THSD7A: variants seen among roughly 807,000 people sequenced by gnomAD.
THSD7A encodes the protein thrombospondin type-1 domain-containing protein 7A.
In THSD7A, 96 loss-of-function variants were observed where a neutral mutation model predicts 231.3. The ratio of observed to expected loss-of-function variants is 0.41; its 90% CI spans 0.35 to 0.49. The LOEUF is 0.49. Ranked by LOEUF, THSD7A falls within the 20% of genes least tolerant of loss-of-function variation. The probability of loss-of-function intolerance (pLI) is 0.05; values close to 1 mark genes in which losing one functional copy is unlikely to be tolerated. For missense variants in THSD7A, 2,290 were observed against 2,070.2 expected (o/e 1.11, Z -2.06); for synonymous variants, 940 against 743.3 (o/e 1.26, Z -4.30).
At position 11,417,533 on chromosome 7, in the gene THSD7A, G is replaced by T. The variant is rs369978992; in HGVS notation, c.3454C>A (p.Pro1152Thr). ...EDYLCDPEEM[P>T]LGSRVCKLPC... The stretch of plus-strand genomic sequence containing the variant: ...AATTTGCACACTCTAGAGCCCAGGG[G>T]CATCTCTTCTGGGTCACAGAGGTAA... Residue 1152 changes from proline to threonine, a missense_variant, in exon 17 of 28, where the codon CCC (proline) becomes ACC (threonine). Transcript: ENST00000423059. 5.0e-6 allele frequency: 8 copies of T among 1,613,634 alleles called. No individual in the cohort carries two copies. In the African/African-American group the frequency reaches 6.7e-5, roughly 13 times the overall value.
At chr7:11,666,653 T>C (rs1359843216) in intron 1 of THSD7A, among the ~76,000 whole-genome samples, 1 of 146,056 alleles carries the variant, frequency 6.8e-6, no homozygotes, top group Admixed American at 7.1e-5. Context: ...ATATACAGTA[T>C]ACTGCTTCAG....
At chr7:11,735,171 C>T (rs1039263633) in intron 1 of THSD7A, among the ~76,000 whole-genome samples, 30 of 151,856 alleles carry the variant, frequency 2.0e-4, no homozygotes, top group African/African-American at 7.0e-4. Flanking sequence ...TTTTTCTTCT[C>T]TTCTATAGTC....
rs1235346221 is a variant in THSD7A, at chr7:11,593,289, A to G, written c.1236T>C (p.Cys412=). 5 of 1,613,840 alleles carry G rather than the reference A, an allele frequency of 3.1e-6. No individual in the cohort carries two copies. In the African/African-American group the frequency reaches 6.7e-5, roughly 22 times the overall value. ...GGACAACTCCATCTCCTTGAGACAA[A>G]CAGGGTTCTTTTTCTTCAAATTCTG... The part of the protein sequence containing the change: ...ECPEFEEKEP[C]LSQGDGVVPC... The change falls in exon 3 of 28, where the codon TGT becomes TGC. Residue 412 remains cysteine (C), a synonymous_variant. Transcript: ENST00000423059.
chr7:11,384,682 C>T (rs1449209874), intron 23 of THSD7A: 1 of 151,948 alleles, frequency 6.6e-6, no homozygotes, highest in Non-Finnish European at 1.5e-5. Flanking sequence ...CTTTTCTATT[C>T]TTTTAGTCTA....
intron 4 of THSD7A, among the ~76,000 whole-genome samples, chr7:11,559,261 C>A (rs953776451): frequency 2.0e-5 from 3 of 152,084 alleles, no homozygotes; most frequent in Admixed American, 2.0e-4. Flanking sequence ...GAGATGCATG[C>A]CAGACCTCTG....
chr7:11,488,468 A>G (rs137899035), intron 6 of THSD7A, among the ~76,000 whole-genome samples: 1 of 152,170 alleles, frequency 6.6e-6, no homozygotes, highest in Non-Finnish European at 1.5e-5. Flanking sequence ...ATGAACTGAG[A>G]CTTATGCCTC....
intron 9 of THSD7A, among the ~76,000 whole-genome samples, chr7:11,468,353 A>C (rs1375804227): frequency 6.6e-6 from 1 of 151,926 alleles, no homozygotes; most frequent in African/African-American, 2.4e-5. Flanking sequence ...AGAAAGTACA[A>C]TTCTACTGCC....
chr7:11,406,036 A>C lies in THSD7A; in HGVS notation c.4237+264T>G, dbSNP rs1267636761. ...TAACTTTTCTGTGGAGCATGGGCTTAAGGCCTTAAATACCATCTCCTGCAG... is the reference window on the plus strand; with the variant it reads ...TAACTTTTCTGTGGAGCATGGGCTTCAGGCCTTAAATACCATCTCCTGCAG... On this transcript the variant is annotated intron_variant, in intron 22 of 27. Coordinates refer to ENST00000423059, the MANE Select transcript of THSD7A (RefSeq NM_015204.3). This position sits in a 1 kb window ranked among gnomAD's most constrained non-coding sequence, Gnocchi z 4.7. Among the ~76,000 whole-genome samples, 1 of 152,124 alleles carries C rather than the reference A, an allele frequency of 6.6e-6. No homozygotes were observed. Among genetic ancestry groups the C allele is most frequent in the African/African-American group, 2.4e-5 (1 of 41,422 alleles).
intron 1 of THSD7A, among the ~76,000 whole-genome samples, chr7:11,647,754 T>C (rs1782336749): frequency 6.6e-6 from 1 of 152,092 alleles, no homozygotes; most frequent in Admixed American, 6.6e-5. Context: ...GAATTGCTGT[T>C]CTATTTGTGT....
Position 11,636,950 on chromosome 7 carries a change from G to C in THSD7A, c.202C>G (p.Arg68Gly), listed in dbSNP as rs759919849. The change falls in exon 2 of 28, where the codon CGA (arginine) becomes GGA (glycine). Residue 68 changes from arginine to glycine, a missense_variant. By Grantham distance (125) the Arg-to-Gly change is moderately radical. Transcript: ENST00000423059. The surrounding 1 kb of genome is among the most constrained non-coding windows in gnomAD (Gnocchi z 10.0). Reference protein sequence around the residue: ...LYLWKTGPWGRCMGDECGPGG... With the variant: ...LYLWKTGPWGGCMGDECGPGG... ...GGACCACATTCATCTCCCATACATC[G>C]GCCCCATGGACCTACAAAAATTATA... is the stretch of plus-strand genomic sequence containing the variant. The C allele has an allele frequency of 5.0e-6, 8 of 1,605,790 alleles. No individual in the cohort carries two copies. Among genetic ancestry groups the C allele is most frequent in the Non-Finnish European group, 8.5e-7 (1 of 1,176,794 alleles).
intron 4 of THSD7A, among the ~76,000 whole-genome samples, chr7:11,561,436 CTAAT>C (rs903629164): frequency 6.6e-6 from 1 of 152,122 alleles, no homozygotes; most frequent in African/African-American, 2.4e-5. Flanking sequence ...AACTACCTGT[CTAAT>C]TAAATTATTA....
At chr7:11,765,250 A>G (rs1782995651) in intron 1 of THSD7A, among the ~76,000 whole-genome samples, 1 of 152,226 alleles carries the variant, frequency 6.6e-6, no homozygotes, top group Non-Finnish European at 1.5e-5. Context: ...TGTTGCTCAT[A>G]CATACATGAA....
At chr7:11,553,984 G>A (rs910537766) in intron 4 of THSD7A, among the ~76,000 whole-genome samples, 1 of 151,740 alleles carries the variant, frequency 6.6e-6, no homozygotes, top group African/African-American at 2.4e-5. Flanking sequence ...TAAATTAAAT[G>A]TTTTGAGGTA....
At chr7:11,660,710 G>A (rs1393379861) in intron 1 of THSD7A, among the ~76,000 whole-genome samples, 1 of 151,290 alleles carries the variant, frequency 6.6e-6, no homozygotes, top group Non-Finnish European at 1.5e-5. Flanking sequence ...AATTACATAT[G>A]GATTAAGTAG....
chr7:11,536,625 G>A (rs1326122148), intron 6 of THSD7A, among the ~76,000 whole-genome samples: 1 of 152,112 alleles, frequency 6.6e-6, no homozygotes, highest in African/African-American at 2.4e-5. Context: ...CCTGGGAATG[G>A]TTTTAGGAGC....
chr7:11,644,747 T>C (rs1335302404), intron 1 of THSD7A, among the ~76,000 whole-genome samples: 2 of 152,028 alleles, frequency 1.3e-5, no homozygotes, highest in African/African-American at 2.4e-5. Context: ...TAGGATCTAT[T>C]ATACTAAATA....
chr7:11,726,459 T>C (rs1048267487), intron 1 of THSD7A, among the ~76,000 whole-genome samples: 2 of 152,048 alleles, frequency 1.3e-5, no homozygotes, highest in Admixed American at 6.6e-5. Context: ...AATTGCACAA[T>C]GAAATCCGGG....
intron 4 of THSD7A, among the ~76,000 whole-genome samples, chr7:11,568,378 A>G (rs1449134698): frequency 6.6e-6 from 1 of 152,016 alleles, no homozygotes; most frequent in African/African-American, 2.4e-5. Context: ...AACTGGAACA[A>G]GACTCTGGAG....
Position 11,372,246 on chromosome 7 carries a change from C to G in THSD7A, c.*3548G>C, listed in dbSNP as rs112036910. 5 of 151,720 alleles carry G rather than the reference C, an allele frequency of 3.3e-5. No homozygotes were observed. Among genetic ancestry groups the G allele is most frequent in the African/African-American group, 1.2e-4 (5 of 41,312 alleles). The allele number at this position is 151,720 out of a possible 1,614,324, so 9.4% of individuals were successfully genotyped here. On this transcript the variant is annotated 3_prime_UTR_variant, in exon 28 of 28. Coordinates refer to ENST00000423059, the MANE Select transcript of THSD7A (RefSeq NM_015204.3). ...CTAAAAACAAACCTAGAGTAAAAGT[C>G]AACATGTTTCAGTGCTATCTTCACT...
Sources: allele counts gnomAD v4.1 joint callset (sites outside exome capture counted in the v4.1 genomes callset), GRCh38; gene constraint gnomAD v4.1.1; non-coding constraint Gnocchi (gnomAD v3.1); transcripts MANE v1.5; gene names NCBI Gene and HGNC (gene_info 2026-07-23, HGNC 2026-07-21).